Variants in NRP2 observed in about 807,000 individuals in gnomAD.
NRP2 encodes neuropilin 2.
A neutral mutation model predicts 110.4 loss-of-function variants in NRP2; 52 were observed. The ratio of observed to expected loss-of-function variants is 0.47; its 90% CI spans 0.38 to 0.59. The LOEUF (loss-of-function observed/expected upper bound fraction) is 0.59. Ranked by LOEUF, NRP2 falls within the 20% of genes least tolerant of loss-of-function variation. The pLI is 0.00. For missense variants in NRP2, 1,049 were observed against 1,203.0 expected (o/e 0.87, Z 1.89); for synonymous variants, 508 against 468.9 (o/e 1.08, Z -1.08).
In NRP2 at chr2:205,745,818, C is replaced by T. The variant is rs2057528143; in HGVS notation, c.1714C>T (p.Arg572Trp). The change falls in exon 10 of 17, where the codon CGG becomes TGG. Residue 572 changes from arginine to tryptophan, a missense_variant. By Grantham distance (101) the Arg-to-Trp change is moderately radical. Transcript: ENST00000357785. ...TGACCCCATTCCGGCACAGTATGTG[C>T]GGGTATACCCGGAGAGGTGGTCGCC... ...RFDPIPAQYV[R>W]VYPERWSPAG... 2.5e-6 allele frequency: 4 copies of T among 1,614,150 alleles called. No individual in the cohort carries two copies. The highest frequency in any genetic ancestry group is 3.4e-6 in the Non-Finnish European group (4 of 1,179,974).
At chr2:205,749,894 G>A in intron 11 of NRP2, 53 bp downstream of exon 11, 1 of 1,403,472 alleles carries the variant, frequency 7.1e-7, no homozygotes, top group Non-Finnish European at 1.0e-6. Flanking sequence ...CAGAGTGGGA[G>A]CTGGCCTGTG....
intron 10 of NRP2, among the ~76,000 whole-genome samples, chr2:205,749,124 C>G (rs1356551187): frequency 6.6e-6 from 1 of 152,220 alleles, no homozygotes; most frequent in African/African-American, 2.4e-5. Flanking sequence ...AGGCCCCAGT[C>G]TGCTGGAGCC....
Position 205,787,718 on chromosome 2 carries a change from C to CTGTGTGTGTG in NRP2, c.2426-4489_2426-4480dup, listed in dbSNP as rs60558986. Among the ~76,000 whole-genome samples the CTGTGTGTGTG allele has an allele frequency of 2.1e-3, 302 of 144,174 alleles. 1 individual carries two copies. Among genetic ancestry groups the CTGTGTGTGTG allele is most frequent in the African/African-American group, 7.2e-3 (282 of 38,902 alleles). 94.6% of individuals were successfully genotyped at this position (144,174 alleles called of 152,430 possible). ...AGAGAGGAAAGATAAAAAAAAGTGTCTGTGTGTGTGTGTGTGTGTGTGTGT... is the reference window on the plus strand; with the variant it reads ...AGAGAGGAAAGATAAAAAAAAGTGTCTGTGTGTGTGTGTGTGTGTGTGTGTGTGTGTGTGT... On this transcript the variant is annotated intron_variant, in intron 15 of 16. Transcript: ENST00000357785.
chr2:205,743,160 G>A, intron 8 of NRP2, 43 bp from the exon 9 acceptor site: 1 of 1,603,404 alleles, frequency 6.2e-7, no homozygotes, highest in Non-Finnish European at 8.5e-7. Context: ...CTGGTTAGCA[G>A]GTGTCAGCCA....
intron 15 of NRP2, among the ~76,000 whole-genome samples, chr2:205,770,162 T>A (rs2057997940): frequency 6.6e-6 from 1 of 152,184 alleles, no homozygotes; most frequent in African/African-American, 2.4e-5. Flanking sequence ...TCAGAATGAC[T>A]GTCCTACGCT....
At chr2:205,765,016 A>G (rs1277925224) in intron 13 of NRP2, among the ~76,000 whole-genome samples, 1 of 152,188 alleles carries the variant, frequency 6.6e-6, no homozygotes, top group Non-Finnish European at 1.5e-5. Flanking sequence ...GGCAACTTAT[A>G]ATAAGGAGCA....
chr2:205,792,185 A>G, intron 15 of NRP2, 50 bp from the exon 16 acceptor site: 4 of 1,282,360 alleles, frequency 3.1e-6, no homozygotes, highest in Non-Finnish European at 4.6e-6. Context: ...CCTTTTAGCC[A>G]TGGTGATAGA....
At chr2:205,754,088 A>G (rs929640730) in intron 12 of NRP2, among the ~76,000 whole-genome samples, 18 of 152,250 alleles carry the variant, frequency 1.2e-4, no homozygotes, top group South Asian at 2.1e-4. Flanking sequence ...TACACCTTGG[A>G]TCTAGCACAG....
intron 15 of NRP2, 98 bp downstream of exon 15, chr2:205,766,901 G>C (rs1460661663): frequency 1.2e-5 from 13 of 1,122,680 alleles, no homozygotes. Flanking sequence ...CTCCAAATTT[G>C]TCAAATCTCG....
chr2:205,784,403 T>G (rs2105963359), intron 15 of NRP2, among the ~76,000 whole-genome samples: 1 of 152,310 alleles, frequency 6.6e-6, no homozygotes, highest in African/African-American at 2.4e-5. Flanking sequence ...GGCATGAGGA[T>G]TTCAGGGGCT....
chr2:205,770,003 C>G (rs2057993272), intron 15 of NRP2, among the ~76,000 whole-genome samples: 1 of 152,130 alleles, frequency 6.6e-6, no homozygotes, highest in Non-Finnish European at 1.5e-5. Context: ...TAGCAGCTCA[C>G]CTTGGAGGCA....
chr2:205,716,778 CAT>C (rs2056906213), intron 3 of NRP2, among the ~76,000 whole-genome samples: 1 of 152,120 alleles, frequency 6.6e-6, no homozygotes, highest in Admixed American at 6.5e-5. Flanking sequence ...GGGCTGAGGA[CAT>C]AATCTTTTCA....
intron 12 of NRP2, among the ~76,000 whole-genome samples, chr2:205,757,695 G>A (rs541323684): frequency 6.6e-6 from 1 of 152,262 alleles, no homozygotes; most frequent in South Asian, 2.1e-4. Context: ...CACAGACACT[G>A]CAAATCCAGA....
chr2:205,787,771 T>G (rs1030570388), intron 15 of NRP2, among the ~76,000 whole-genome samples: 1 of 137,956 alleles, frequency 7.2e-6, no homozygotes, highest in African/African-American at 2.8e-5. Flanking sequence ...AAAGAGAGAG[T>G]GAGAAAGAAT....
intron 15 of NRP2, chr2:205,777,576 G>A (rs1365674830): frequency 1.3e-5 from 2 of 152,260 alleles, no homozygotes; most frequent in Non-Finnish European, 2.9e-5. Context: ...GAACTGAAAT[G>A]TCTCCTCACC....
intron 15 of NRP2, chr2:205,776,065 G>A (rs1420528914): frequency 1.3e-6 from 1 of 762,224 alleles, no homozygotes; most frequent in Non-Finnish European, 2.4e-6. Flanking sequence ...GGGTAAGTAG[G>A]AAATAATGCA....
intron 2 of NRP2, among the ~76,000 whole-genome samples, chr2:205,715,623 G>A (rs1430958276): frequency 2.6e-5 from 4 of 152,144 alleles, no homozygotes; most frequent in Non-Finnish European, 5.9e-5. Context: ...ATGGCCCAGG[G>A]GAAAATTGAA....
In NRP2 at chr2:205,797,798, C is replaced by T. The variant is rs1282039596; in HGVS notation, c.*2740C>T. The T allele has an allele frequency of 6.5e-6, 1 of 152,676 alleles. No homozygotes were observed. The highest frequency in any genetic ancestry group is 1.5e-5 in the Non-Finnish European group (1 of 68,096). The allele number at this position is 152,676 out of a possible 1,614,324, so 9.5% of individuals were successfully genotyped here. A position where few individuals can be genotyped will look rare whatever the true frequency, so the allele number is the denominator to read the frequency against. ...CCTTGTACTGAATGACACATTACCTCCACACTCTCCCGGACTAGGTGGTCA... is the reference window on the plus strand; with the variant it reads ...CCTTGTACTGAATGACACATTACCTTCACACTCTCCCGGACTAGGTGGTCA... On this transcript the variant is annotated 3_prime_UTR_variant, in exon 17 of 17. Transcript: ENST00000357785.
chr2:205,751,511 G>T (rs572185626), intron 11 of NRP2, among the ~76,000 whole-genome samples: 8 of 152,188 alleles, frequency 5.3e-5, no homozygotes, highest in Non-Finnish European at 1.0e-4. Context: ...CAAGCCACAG[G>T]TTGATGCTTC....
Sources: allele counts gnomAD v4.1 joint callset (sites outside exome capture counted in the v4.1 genomes callset), GRCh38; gene constraint gnomAD v4.1.1; transcripts MANE v1.5; gene names NCBI Gene and HGNC (gene_info 2026-07-23, HGNC 2026-07-21).